The following RCN3 variants were observed in gnomAD, a reference collection of about 807,000 sequenced individuals.
RCN3 encodes reticulocalbin 3, also known as reticulocalbin-3.
In RCN3, 41 loss-of-function variants were observed where a neutral mutation model predicts 35.9. The ratio of observed to expected loss-of-function variants is 1.14; its 90% CI spans 0.89 to 1.48. The LOEUF is 1.48. RCN3 is among the 40% of genes most tolerant of loss of function. RCN3 has a pLI of 0.00. For missense variants in RCN3, 451 were observed against 471.3 expected, an observed-to-expected ratio of 0.96 and a Z score of 0.40; for synonymous variants, 187 against 193.4, an observed-to-expected ratio of 0.97 and a Z score of 0.27.
chr19:49,532,510 A>G (rs1168788389), intron 2 of RCN3, among the ~76,000 whole-genome samples: 1 of 148,684 alleles, frequency 6.7e-6, no homozygotes, highest in Non-Finnish European at 1.5e-5. Context: ...CGAGTAGTGG[A>G]TATTACAGGC....
At chr19:49,538,345 T>C (rs915995461) in intron 4 of RCN3, among the ~76,000 whole-genome samples, 2 of 151,196 alleles carry the variant, frequency 1.3e-5, no homozygotes, top group Non-Finnish European at 3.0e-5. Flanking sequence ...TTTTTTTTTT[T>C]TTTAGTAGAG....
Position 49,534,391 on chromosome 19 carries a change from GC to G in RCN3, c.444del (p.Gly149ValfsTer40). On this transcript the variant is annotated frameshift_variant, in exon 3 of 7. Transcript: ENST00000270645. LOFTEE classifies it high-confidence loss of function. Reference protein sequence around the residue: ...LRNATYGHYAPGEEFHDVEDA... With the variant: ...LRNATYGHYAXGEEFHDVEDA... ...GCAACGCCACCTATGGCCACTACGCGCCCGGTACGCGGCGAGCCCCCGACCC... is the reference window on the plus strand; with the variant it reads ...GCAACGCCACCTATGGCCACTACGCGCCGGTACGCGGCGAGCCCCCGACCC... 6.5e-7 allele frequency: 1 copy of G among 1,537,872 alleles called. No homozygotes were observed.
At chr19:49,531,869 C>T (rs1430776454) in intron 2 of RCN3, among the ~76,000 whole-genome samples, 7 of 152,176 alleles carry the variant, frequency 4.6e-5, no homozygotes, top group East Asian at 1.9e-4. Flanking sequence ...GGCGTGATCT[C>T]GGCTCACTGC....
rs149456986 is a variant in RCN3, at chr19:49,528,592, G to A, written c.120G>A (p.Leu40=). 1.2e-6 allele frequency: 2 copies of A among 1,610,474 alleles called. No individual in the cohort carries two copies. Among genetic ancestry groups the A allele is most frequent in the East Asian group, 4.5e-5 (2 of 44,344 alleles). The change falls in exon 2 of 7, where the codon CTG becomes CTA. Residue 40 remains leucine (L), a synonymous_variant. Coordinates refer to ENST00000270645, the MANE Select transcript of RCN3 (RefSeq NM_020650.3). Reference sequence around the variant, plus strand: ...GGAGGGTGCACCAGGCGGCCCCCCTGAGCGACGCTCCCCATGATGACGCCC... The same window carrying A: ...GGAGGGTGCACCAGGCGGCCCCCCTAAGCGACGCTCCCCATGATGACGCCC... ...GQGRVHQAAP[L]SDAPHDDAHG...
At position 49,543,361 on chromosome 19, in the gene RCN3, G is replaced by A. The variant is rs1475729960; in HGVS notation, c.*148G>A. 1 of 682,404 alleles carries A rather than the reference G, an allele frequency of 1.5e-6. No homozygotes were observed. The highest frequency in any genetic ancestry group is 1.8e-5 in the African/African-American group (1 of 55,812). 42.3% of individuals were successfully genotyped at this position (682,404 alleles called of 1,614,324 possible). On this transcript the variant is annotated 3_prime_UTR_variant, in exon 7 of 7. Coordinates refer to ENST00000270645, the MANE Select transcript of RCN3 (RefSeq NM_020650.3). ...CCCCTGGGCTCTCAGGGACCCCCTG[G>A]GTCGGCTTCTGTCCCTGTCACACCC...
At chr19:49,542,361 A>C (rs2080166576) in intron 5 of RCN3, among the ~76,000 whole-genome samples, 192 bp from the exon 6 acceptor site, 1 of 152,222 alleles carries the variant, frequency 6.6e-6, no homozygotes. Flanking sequence ...TTCACCTGTA[A>C]CACAAATGAT....
chr19:49,533,911 G>A (rs1335564154), intron 2 of RCN3, among the ~76,000 whole-genome samples: 2 of 152,098 alleles, frequency 1.3e-5, no homozygotes, highest in African/African-American at 2.4e-5. Context: ...CGGAGAGGGT[G>A]GCCCTGCATC....
chr19:49,528,730 G>A lies in RCN3; in HGVS notation c.242+16G>A. 2 of 1,554,812 alleles carry A rather than the reference G, an allele frequency of 1.3e-6. No individual in the cohort carries two copies. The highest frequency in any genetic ancestry group is 1.7e-6 in the Non-Finnish European group (2 of 1,147,970). ...CCCGTCTGGGGTAAGAGAGACATTCGGTTGGGGCGTGTCCAGAGGTGGGGC... is the reference window on the plus strand; with the variant it reads ...CCCGTCTGGGGTAAGAGAGACATTCAGTTGGGGCGTGTCCAGAGGTGGGGC... On this transcript the variant is annotated intron_variant, in intron 2 of 6. Coordinates refer to ENST00000270645, the MANE Select transcript of RCN3 (RefSeq NM_020650.3).
intron 2 of RCN3, 95 bp from the exon 3 acceptor site, chr19:49,534,098 C>G: frequency 1.6e-6 from 2 of 1,231,464 alleles, no homozygotes; most frequent in Non-Finnish European, 2.1e-6. Context: ...TATTTTCAGC[C>G]CCGGATCCGA....
intron 5 of RCN3, among the ~76,000 whole-genome samples, chr19:49,540,258 A>G (rs2080157130): frequency 6.6e-6 from 1 of 151,660 alleles, no homozygotes. Flanking sequence ...CAATCTTCCC[A>G]CCTTGGCCTC....
intron 5 of RCN3, among the ~76,000 whole-genome samples, chr19:49,539,472 G>A (rs1377258765): frequency 1.3e-5 from 2 of 152,118 alleles, no homozygotes; most frequent in Non-Finnish European, 2.9e-5. Context: ...CAATAACACA[G>A]ACAAATCCCT....
In RCN3 at chr19:49,539,175, C is replaced by T; in HGVS notation, c.675C>T (p.Tyr225=). Reference sequence around the variant, plus strand: ...ATGGCTATGTCCAGGTGGAGGAGTACATCGGTGAGTGGGCCCCAATTTCTT... The same window carrying T: ...ATGGCTATGTCCAGGTGGAGGAGTATATCGGTGAGTGGGCCCCAATTTCTT... ...NKDGYVQVEE[Y]IADLYSAEPG... The change falls in exon 5 of 7, where the codon TAC becomes TAT. Residue 225 remains tyrosine (Y), a synonymous_variant. Transcript: ENST00000270645. 4 of 1,610,314 alleles carry T rather than the reference C, an allele frequency of 2.5e-6. No homozygotes were observed. The highest frequency in any genetic ancestry group is 3.4e-6 in the Non-Finnish European group (4 of 1,178,672).
intron 4 of RCN3, among the ~76,000 whole-genome samples, chr19:49,538,315 G>A (rs951901416): frequency 3.4e-4 from 51 of 149,916 alleles, no homozygotes; most frequent in African/African-American, 1.1e-3. Context: ...GGCGCATGCC[G>A]CCATGCCCGG....
At position 49,533,574 on chromosome 19, in the gene RCN3, C is replaced by T. The variant is rs546138304; in HGVS notation, c.243-619C>T. ...GAGGGGCAGAGGGAGACTGAGCCCC[C>T]GGGGTTGCGGGTGATGGTCCTCAGG... is the stretch of plus-strand genomic sequence containing the variant. On this transcript the variant is annotated intron_variant, in intron 2 of 6. Coordinates refer to ENST00000270645, the MANE Select transcript of RCN3 (RefSeq NM_020650.3). Among the ~76,000 whole-genome samples the T allele has an allele frequency of 3.3e-5, 5 of 152,138 alleles. No homozygotes were observed. In the East Asian group the frequency reaches 9.7e-4, roughly 29 times the overall value.
chr19:49,528,806 C>A (rs1266039353), intron 2 of RCN3, 92 bp downstream of exon 2: 1 of 1,346,740 alleles, frequency 7.4e-7, no homozygotes, highest in Non-Finnish European at 9.8e-7. Flanking sequence ...ATGGCGTGGA[C>A]TGAACTTCAT....
intron 2 of RCN3, among the ~76,000 whole-genome samples, chr19:49,533,256 C>T (rs1035726809): frequency 5.3e-5 from 8 of 152,196 alleles, no homozygotes; most frequent in African/African-American, 1.9e-4. Flanking sequence ...CAGAGACCGC[C>T]TGGTGCGGGA....
At chr19:49,531,469 C>T (rs1008538415) in intron 2 of RCN3, among the ~76,000 whole-genome samples, 2 of 152,128 alleles carry the variant, frequency 1.3e-5, no homozygotes, top group Admixed American at 6.6e-5. Flanking sequence ...AGGCTTTTCT[C>T]CAATTGAGAG....
intron 2 of RCN3, among the ~76,000 whole-genome samples, chr19:49,532,163 C>T (rs1413434010): frequency 3.4e-5 from 4 of 118,314 alleles, no homozygotes; most frequent in Admixed American, 9.5e-5. Flanking sequence ...TGGAGTGCAA[C>T]GGCGCGATCT....
intron 4 of RCN3, among the ~76,000 whole-genome samples, chr19:49,538,251 C>G (rs1368057120): frequency 6.6e-6 from 1 of 151,576 alleles, no homozygotes; most frequent in Non-Finnish European, 1.5e-5. Flanking sequence ...CAAGCTCTGC[C>G]TCCCGGGTTC....
Sources: allele counts gnomAD v4.1 joint callset (sites outside exome capture counted in the v4.1 genomes callset), GRCh38; gene constraint gnomAD v4.1.1; transcripts MANE v1.5; gene names NCBI Gene and HGNC (gene_info 2026-07-23, HGNC 2026-07-21).